The following CFDP1 variants were observed in gnomAD, a reference collection of about 807,000 sequenced individuals.
CFDP1 encodes the protein chromatin remodeling protein CFDP1.
Under a neutral mutation model 40.1 loss-of-function variants are expected in CFDP1, and 31 were observed. The ratio of observed to expected loss-of-function variants is 0.77; its 90% CI spans 0.58 to 1.04. The LOEUF (loss-of-function observed/expected upper bound fraction) is 1.04, where lower values mean the gene tolerates loss of function less well. Ranked by LOEUF, CFDP1 falls within the 50% of genes least tolerant of loss-of-function variation. CFDP1 has a pLI of 0.00. For missense variants in CFDP1, 423 were observed against 343.4 expected, an observed-to-expected ratio of 1.23 and a Z score of -1.83; for synonymous variants, 167 against 120.0, an observed-to-expected ratio of 1.39 and a Z score of -2.56.
chr16:75,374,718 A>G (rs1423172718), intron 5 of CFDP1, among the ~76,000 whole-genome samples: 1 of 152,208 alleles, frequency 6.6e-6, no homozygotes, highest in East Asian at 1.9e-4. Flanking sequence ...TTTTAGCCCT[A>G]TTAAATATAA....
chr16:75,329,035 G>A (rs970096750), intron 5 of CFDP1, among the ~76,000 whole-genome samples: 1 of 152,032 alleles, frequency 6.6e-6, no homozygotes. Context: ...TTTTAGTAGA[G>A]ACGGGGTTTC....
chr16:75,354,978 AAAGT>A (rs1233778385), intron 5 of CFDP1, among the ~76,000 whole-genome samples: 1 of 152,270 alleles, frequency 6.6e-6, no homozygotes, highest in African/African-American at 2.4e-5. Flanking sequence ...ATATCACAGT[AAAGT>A]AAGCCACACA....
At chr16:75,381,189 A>T (rs2078848975) in intron 5 of CFDP1, 1 of 152,188 alleles carries the variant, frequency 6.6e-6, no homozygotes, top group South Asian at 2.1e-4. Context: ...CAGGGCCAGG[A>T]GCAATGGCCC....
intron 5 of CFDP1, among the ~76,000 whole-genome samples, chr16:75,305,789 A>G (rs1280602318): frequency 6.6e-6 from 1 of 152,186 alleles, no homozygotes; most frequent in Non-Finnish European, 1.5e-5. Context: ...CAGTACTGTA[A>G]GAGGGTTCTA....
rs547090866 is a variant in CFDP1, at chr16:75,389,604, G to A, written c.650+5486C>T. Among the ~76,000 whole-genome samples, 3 of 152,282 alleles carry A rather than the reference G, an allele frequency of 2.0e-5. No homozygotes were observed. In the South Asian group the frequency reaches 6.2e-4, roughly 32 times the overall value. ...TGTATTGCTTAAATCTGTTTAGAGA[G>A]AGGAAAATAAACAAATAAAGTGTTT... On this transcript the variant is annotated intron_variant, in intron 5 of 6. Coordinates refer to ENST00000283882, the MANE Select transcript of CFDP1 (RefSeq NM_006324.3).
At chr16:75,403,907 G>GT (rs779519234) in intron 4 of CFDP1, among the ~76,000 whole-genome samples, 1 of 151,964 alleles carries the variant, frequency 6.6e-6, no homozygotes, top group Non-Finnish European at 1.5e-5. Flanking sequence ...CGAAGTGGGC[G>GT]TATCATTTGA....
At chr16:75,431,679 G>A (rs557761467) in intron 1 of CFDP1, among the ~76,000 whole-genome samples, 5 of 152,074 alleles carry the variant, frequency 3.3e-5, no homozygotes, top group Non-Finnish European at 7.4e-5. Context: ...AACTAAAACT[G>A]GACACAGGTT....
At chr16:75,430,582 G>C (rs1024359126) in intron 1 of CFDP1, among the ~76,000 whole-genome samples, 1 of 151,860 alleles carries the variant, frequency 6.6e-6, no homozygotes, top group Admixed American at 6.6e-5. Context: ...TCGTGCCTCA[G>C]CCTCCCCAGT....
At chr16:75,318,293 G>C (rs2078337942) in intron 5 of CFDP1, among the ~76,000 whole-genome samples, 1 of 152,112 alleles carries the variant, frequency 6.6e-6, no homozygotes, top group East Asian at 1.9e-4. Flanking sequence ...CAGGCAAATA[G>C]CACATCTCGC....
chr16:75,352,987 C>T (rs2078623025), intron 5 of CFDP1, among the ~76,000 whole-genome samples: 1 of 152,140 alleles, frequency 6.6e-6, no homozygotes, highest in South Asian at 2.1e-4. Context: ...ACACACAGGA[C>T]AGAGGAACAT....
chr16:75,401,075 A>T (rs12599361), intron 4 of CFDP1, among the ~76,000 whole-genome samples: 78,566 of 151,290 alleles, frequency 0.52, 21,429 homozygotes, highest in Admixed American at 0.64. Flanking sequence ...GTGGGCAGAT[A>T]GTGAGGTCAG....
At chr16:75,354,049 C>G (rs972489506) in intron 5 of CFDP1, among the ~76,000 whole-genome samples, 1 of 152,124 alleles carries the variant, frequency 6.6e-6, no homozygotes, top group Non-Finnish European at 1.5e-5. Flanking sequence ...CCCATACGCC[C>G]ATTCTGGTTT....
At chr16:75,387,335 GT>G (rs1259587844) in intron 5 of CFDP1, among the ~76,000 whole-genome samples, 3 of 152,074 alleles carry the variant, frequency 2.0e-5, no homozygotes, top group Non-Finnish European at 4.4e-5. Flanking sequence ...GGAGACGGGG[GT>G]TTCACCGTGT....
chr16:75,302,539 C>T (rs557185884), intron 6 of CFDP1, among the ~76,000 whole-genome samples: 1 of 152,240 alleles, frequency 6.6e-6, no homozygotes, highest in Non-Finnish European at 1.5e-5. Context: ...GAGTGAGCCA[C>T]TGCTCCCAAC....
intron 5 of CFDP1, among the ~76,000 whole-genome samples, chr16:75,310,938 G>A (rs959109993): frequency 6.6e-6 from 1 of 152,186 alleles, no homozygotes; most frequent in African/African-American, 2.4e-5. Flanking sequence ...ATTCAACAGA[G>A]ATTACTGAGA....
intron 5 of CFDP1, among the ~76,000 whole-genome samples, chr16:75,369,325 T>C (rs1289022258): frequency 1.3e-5 from 2 of 151,784 alleles, no homozygotes; most frequent in Non-Finnish European, 2.9e-5. Flanking sequence ...GTCAAGGCAG[T>C]ATTGCTTGAG....
rs377160522 is a variant in CFDP1 at position 75,333,185 on chromosome 16, G to A, written c.651-28003C>T. Among the ~76,000 whole-genome samples the A allele has an allele frequency of 9.7e-4, 143 of 147,980 alleles. 1 individual carries two copies. Among genetic ancestry groups the A allele is most frequent in the African/African-American group, 3.5e-3 (140 of 39,934 alleles). On this transcript the variant is annotated intron_variant, in intron 5 of 6. Coordinates refer to ENST00000283882, the MANE Select transcript of CFDP1 (RefSeq NM_006324.3). The stretch of plus-strand genomic sequence containing the variant: ...GTCGCCCAGGCTGGAGTGCAGTGGC[G>A]CGATCTCAGCTCACTGCAAGCTCTG...
intron 4 of CFDP1, among the ~76,000 whole-genome samples, chr16:75,395,807 A>G (rs2078991558): frequency 6.6e-6 from 1 of 152,202 alleles, no homozygotes; most frequent in Non-Finnish European, 1.5e-5. Context: ...TTGGGAATGG[A>G]CGAAAGCAAC....
At chr16:75,390,944 AT>A (rs1223556475) in intron 5 of CFDP1, among the ~76,000 whole-genome samples, 28 of 152,338 alleles carry the variant, frequency 1.8e-4, no homozygotes, top group Admixed American at 1.3e-3. Context: ...AAAGTATCAT[AT>A]TTGAGAATGC....
Sources: allele counts gnomAD v4.1 joint callset (sites outside exome capture counted in the v4.1 genomes callset), GRCh38; gene constraint gnomAD v4.1.1; transcripts MANE v1.5; gene names NCBI Gene and HGNC (gene_info 2026-07-23, HGNC 2026-07-21).